Variants in OPCML observed in about 807,000 individuals in gnomAD.
OPCML encodes the protein opioid-binding protein/cell adhesion molecule.
Under a neutral mutation model 37.8 loss-of-function variants are expected in OPCML, and 13 were observed. The ratio of observed to expected loss-of-function variants is 0.34; its 90% CI spans 0.22 to 0.55. The LOEUF (loss-of-function observed/expected upper bound fraction) is 0.55. OPCML is among the 20% of genes least tolerant of loss of function. The pLI is 0.91. For synonymous variants in OPCML, 176 were observed against 168.8 expected (o/e 1.04, Z -0.33); for missense variants, 341 against 435.6 (o/e 0.78, Z 1.93).
At chr11:133,343,895 T>TA (rs1208619293) in intron 1 of OPCML, among the ~76,000 whole-genome samples, 12 of 152,192 alleles carry the variant, frequency 7.9e-5, no homozygotes, top group Admixed American at 6.5e-4. Context: ...TATTTTACTT[T>TA]AAAAAAAGCG....
At chr11:133,441,825 CAT>C (rs1167913050) in intron 1 of OPCML, among the ~76,000 whole-genome samples, 1 of 152,030 alleles carries the variant, frequency 6.6e-6, no homozygotes. Context: ...AGTTCTATAT[CAT>C]ATATATGTGT....
chr11:132,952,491 T>C (rs1029509325), intron 1 of OPCML, among the ~76,000 whole-genome samples: 2 of 152,210 alleles, frequency 1.3e-5, no homozygotes, highest in African/African-American at 2.4e-5. Context: ...CCAAAACTTA[T>C]GCAAATACAC....
chr11:133,086,218 TTAG>T (rs1243879114), intron 1 of OPCML, among the ~76,000 whole-genome samples: 54 of 152,202 alleles, frequency 3.5e-4, no homozygotes, highest in African/African-American at 1.2e-3. Context: ...AAATCTGGAA[TTAG>T]TAGAATCTGC....
At chr11:132,903,021 T>C (rs1398434409) in intron 2 of OPCML, among the ~76,000 whole-genome samples, 2 of 152,200 alleles carry the variant, frequency 1.3e-5, no homozygotes, top group Non-Finnish European at 2.9e-5. Flanking sequence ...TTGGGCTCAT[T>C]CATTTCCCCT....
At chr11:133,299,225 T>C (rs564464674) in intron 1 of OPCML, 1 of 152,220 alleles carries the variant, frequency 6.6e-6, no homozygotes, top group Non-Finnish European at 1.5e-5. Flanking sequence ...TGAAACTTAA[T>C]TATGCAAAAC....
chr11:133,221,009 G>T (rs973666900), intron 1 of OPCML, among the ~76,000 whole-genome samples: 9 of 152,140 alleles, frequency 5.9e-5, no homozygotes, highest in African/African-American at 2.2e-4. Flanking sequence ...AAATAATTCT[G>T]CAACCATCTT....
At chr11:132,560,931 C>G (rs532462282) in intron 3 of OPCML, among the ~76,000 whole-genome samples, 40 of 152,208 alleles carry the variant, frequency 2.6e-4, no homozygotes, top group African/African-American at 9.1e-4. Flanking sequence ...TAAGTCCTAT[C>G]TATTTATCTT....
intron 4 of OPCML, among the ~76,000 whole-genome samples, chr11:132,499,701 C>T (rs2096241573): frequency 6.6e-6 from 1 of 152,148 alleles, no homozygotes; most frequent in Non-Finnish European, 1.5e-5. Context: ...AACTGGAAAA[C>T]AGAGATGTGC....
chr11:133,077,230 G>A (rs1227969485), intron 1 of OPCML, among the ~76,000 whole-genome samples: 1 of 151,850 alleles, frequency 6.6e-6, no homozygotes, highest in Admixed American at 6.6e-5. Flanking sequence ...AATCTGGAGA[G>A]GTCTGTGCCC....
At chr11:133,247,540 T>TTTTCTTTTTTTCTTTC (rs1940972383) in intron 1 of OPCML, among the ~76,000 whole-genome samples, 1 of 122,408 alleles carries the variant, frequency 8.2e-6, no homozygotes, top group African/African-American at 3.3e-5. Flanking sequence ...CTTTCCTTCT[T>TTTTCTTTTTTTCTTTC]TTTCTTTCTT....
chr11:133,199,512 T>G (rs926562874), intron 1 of OPCML, among the ~76,000 whole-genome samples: 2 of 152,170 alleles, frequency 1.3e-5, no homozygotes, highest in Admixed American at 1.3e-4. Context: ...GCTGGATAGA[T>G]GAGCTAAACA....
At chr11:133,377,089 G>A (rs539903175) in intron 1 of OPCML, among the ~76,000 whole-genome samples, 1 of 152,318 alleles carries the variant, frequency 6.6e-6, no homozygotes, top group South Asian at 2.1e-4. Context: ...TTAGCCTTGA[G>A]GGCTCGTGGT....
intron 1 of OPCML, among the ~76,000 whole-genome samples, chr11:132,961,653 T>G (rs748227128): frequency 6.6e-6 from 1 of 152,232 alleles, no homozygotes; most frequent in Non-Finnish European, 1.5e-5. Flanking sequence ...TTGCAGAAGT[T>G]AGGTCAGCTC....
At chr11:133,446,254 A>G (rs1946472127) in intron 1 of OPCML, among the ~76,000 whole-genome samples, 1 of 152,186 alleles carries the variant, frequency 6.6e-6, no homozygotes, top group Non-Finnish European at 1.5e-5. Flanking sequence ...TAGTTGAAAT[A>G]GCAATGGATA....
chr11:132,657,065 C>A, intron 3 of OPCML, 22 bp downstream of exon 3: 2 of 1,609,744 alleles, frequency 1.2e-6, no homozygotes, highest in South Asian at 1.1e-5. Context: ...GAATGGCAAC[C>A]CCAGATCCAG....
chr11:132,524,993 T>C (rs1565636592), intron 4 of OPCML, among the ~76,000 whole-genome samples: 1 of 152,192 alleles, frequency 6.6e-6, no homozygotes, highest in Admixed American at 6.5e-5. Flanking sequence ...CCCAGACTCC[T>C]CTCATTCCCT....
intron 1 of OPCML, among the ~76,000 whole-genome samples, chr11:133,214,776 T>C (rs541567494): frequency 6.6e-6 from 1 of 152,320 alleles, no homozygotes; most frequent in South Asian, 2.1e-4. Flanking sequence ...TTATTTTTCC[T>C]CTCGGTTTAT....
At chr11:132,555,270 C>G (rs564551439) in intron 3 of OPCML, among the ~76,000 whole-genome samples, 2 of 152,186 alleles carry the variant, frequency 1.3e-5, no homozygotes, top group African/African-American at 4.8e-5. Flanking sequence ...GGACTCAGTT[C>G]CACATGGCTG....
intron 1 of OPCML, among the ~76,000 whole-genome samples, chr11:133,032,461 A>G (rs894141896): frequency 1.3e-5 from 2 of 152,182 alleles, no homozygotes; most frequent in Middle Eastern, 3.4e-3. Flanking sequence ...CACCAGGGGG[A>G]AAAAAAGGCA....
Sources: gnomAD v4.1 joint callset for allele counts (sites outside exome capture counted in the v4.1 genomes callset) on GRCh38, gnomAD v4.1.1 for gene constraint, MANE v1.5 for transcripts, NCBI Gene and HGNC (gene_info 2026-07-23, HGNC 2026-07-21) for gene names.